Variants in ALS2 observed in about 807,000 individuals in gnomAD.
ALS2 encodes the protein alsin Rho guanine nucleotide exchange factor ALS2.
In ALS2, 117 loss-of-function variants were observed where a neutral mutation model predicts 203.4. That is an observed-to-expected ratio of 0.58 (90% CI 0.50 to 0.67). The LOEUF (loss-of-function observed/expected upper bound fraction) is 0.67, where lower values mean the gene tolerates loss of function less well. Among genes scored for constraint, ALS2 ranks in the 30% least tolerant of loss-of-function variants. The pLI, the probability that ALS2 is intolerant of heterozygous loss-of-function variation, is 0.00. For synonymous variants in ALS2, 718 were observed against 725.9 expected (o/e 0.99, Z 0.17); for missense variants, 1,715 against 1,989.4 (o/e 0.86, Z 2.62).
intron 1 of ALS2, among the ~76,000 whole-genome samples, chr2:201,770,750 C>T (rs534024352): frequency 1.3e-5 from 2 of 152,276 alleles, no homozygotes; most frequent in East Asian, 3.9e-4. Flanking sequence ...TGACGCTACA[C>T]TGCTGACTGA....
intron 13 of ALS2, among the ~76,000 whole-genome samples, chr2:201,731,685 G>A (rs189804190): frequency 7.9e-6 from 1 of 127,256 alleles, no homozygotes; most frequent in East Asian, 2.0e-4. Context: ...AAATTATAAC[G>A]TATAGTGATG....
In ALS2 at chr2:201,704,520, T is replaced by C. The variant is rs1251364347; in HGVS notation, c.4772A>G (p.His1591Arg). Residue 1591 changes from histidine (H) to arginine (R), a missense_variant, in exon 32 of 34, where the codon CAC becomes CGC. By Grantham distance (29) the His-to-Arg change is conservative. Transcript: ENST00000264276. The part of the protein sequence containing the change: ...EISQSVLASL[H>R]EDFLWSMDDL... Reference sequence around the variant, plus strand: ...ATCCATGGACCACAAGAAGTCTTCGTGGAGTGACGCCAGGACACTCTGAGA... The same window carrying C: ...ATCCATGGACCACAAGAAGTCTTCGCGGAGTGACGCCAGGACACTCTGAGA... 6.2e-7 allele frequency: 1 copy of C among 1,614,174 alleles called. No individual in the cohort carries two copies. Among genetic ancestry groups the C allele is most frequent in the South Asian group, 1.1e-5 (1 of 91,080 alleles).
intron 10 of ALS2, 132 bp from the exon 11 acceptor site, chr2:201,741,986 A>G: frequency 1.2e-6 from 1 of 814,782 alleles, no homozygotes; most frequent in Non-Finnish European, 2.0e-6. Context: ...AGGAACCCAA[A>G]TGATTACAGT....
intron 31 of ALS2, 102 bp from the exon 32 acceptor site, chr2:201,704,705 T>TAA (rs1689595404): frequency 7.6e-7 from 1 of 1,314,952 alleles, no homozygotes; most frequent in Non-Finnish European, 1.1e-6. Context: ...TCACATGCCT[T>TAA]AACCCGGACA....
Position 201,741,841 on chromosome 2 carries a change from A to G in ALS2, c.2184T>C (p.Thr728=), listed in dbSNP as rs1692287615. Residue 728 remains threonine, a synonymous_variant, in exon 11 of 34, where the codon ACT becomes ACC. Transcript: ENST00000264276. ...CCTGCAACAGCTGGACTGTAGTTGT[A>G]GTGCCCAAATTTTCTATAACAAAAT... is the stretch of plus-strand genomic sequence containing the variant. ...RPLLSLENLG[T]TTTVQLLQEV... 1 of 1,613,670 alleles carries G rather than the reference A, an allele frequency of 6.2e-7. No individual in the cohort carries two copies. The highest frequency in any genetic ancestry group is 1.1e-5 in the South Asian group (1 of 90,996).
In ALS2 at chr2:201,721,572, G is replaced by A. The variant is rs532864092; in HGVS notation, c.3702+1471C>T. Among the ~76,000 whole-genome samples the A allele has an allele frequency of 3.9e-5, 6 of 152,312 alleles. No individual in the cohort carries two copies. The East Asian group carries it at 7.7e-4, about 20-fold the overall frequency. On this transcript the variant is annotated intron_variant, in intron 23 of 33. Transcript: ENST00000264276. ...TGTTGGGAAATTTGGATAGCCATAT[G>A]CAAAAAGATTAGTTTGGACACATAA...
chr2:201,704,348 A>AT (rs1189760561), intron 32 of ALS2, 106 bp downstream of exon 32: 14 of 1,520,606 alleles, frequency 9.2e-6, no homozygotes, highest in African/African-American at 1.4e-5. Flanking sequence ...GGGTTAATCG[A>AT]TTTTTTTCTA....
At position 201,723,438 on chromosome 2, in the gene ALS2, C is replaced by T. The variant is rs1253926263; in HGVS notation, c.3516G>A (p.Gly1172=). The change falls in exon 22 of 34, where the codon GGG becomes GGA. Residue 1172 remains glycine, a synonymous_variant. Coordinates refer to ENST00000264276, the MANE Select transcript of ALS2 (RefSeq NM_020919.4). ...CTTGCCACATTCCCATATACTTTTC[C>T]CCCCTGCACAGAAATAAAAAGAAAA... is the stretch of plus-strand genomic sequence containing the variant. ...GYGVFDDITR[G]EKYMGMWQDD... The T allele has an allele frequency of 1.2e-6, 2 of 1,611,172 alleles. No individual in the cohort carries two copies. The highest frequency in any genetic ancestry group is 4.5e-5 in the East Asian group (2 of 44,842).
intron 11 of ALS2, 80 bp downstream of exon 11, chr2:201,741,594 G>A: frequency 7.2e-7 from 1 of 1,397,460 alleles, no homozygotes; most frequent in Non-Finnish European, 1.0e-6. Flanking sequence ...CCCTAATCTA[G>A]TCTCTTCTGA....
rs3219168 is a variant in ALS2 at position 201,711,098 on chromosome 2, G to A, written c.4015C>T (p.Leu1339=). The A allele has an allele frequency of 0.92, 1,472,688 of 1,597,622 alleles. 679,627 individuals are homozygous for A. Among genetic ancestry groups the A allele is most frequent in the East Asian group, 0.99 (44,263 of 44,716 alleles). The change falls in exon 26 of 34, where the codon CTG becomes TTG. Residue 1339 remains leucine, a synonymous_variant. Coordinates refer to ENST00000264276, the MANE Select transcript of ALS2 (RefSeq NM_020919.4). The part of the protein sequence containing the change: ...RRQHRDSPEI[L]SRSQTQTLES... ...AGTGTCTGAGTCTGTGAACGACTCA[G>A]TATTTCTGGACTATAAAAAGGGAAA...
chr2:201,765,444 T>C (rs1323656414), intron 3 of ALS2: 7 of 166,868 alleles, frequency 4.2e-5, no homozygotes, highest in Non-Finnish European at 1.0e-4. Context: ...GTATTGAATA[T>C]AGTTCACACT....
chr2:201,744,246 G>A lies in ALS2; in HGVS notation c.2170+12C>T, dbSNP rs1692482147. 6.2e-7 allele frequency: 1 copy of A among 1,612,074 alleles called. No individual in the cohort carries two copies. Among genetic ancestry groups the A allele is most frequent in the Admixed American group, 1.7e-5 (1 of 60,016 alleles). On this transcript the variant is annotated intron_variant, in intron 10 of 33. Coordinates refer to ENST00000264276, the MANE Select transcript of ALS2 (RefSeq NM_020919.4). Reference sequence around the variant, plus strand: ...ATGGTTTAATGGTGGGAGAGAGGGGGTTGCAACTTACCTAAACTGAGAAGA... The same window carrying A: ...ATGGTTTAATGGTGGGAGAGAGGGGATTGCAACTTACCTAAACTGAGAAGA...
rs1387141361 is a variant in ALS2 at position 201,768,954 on chromosome 2, T to C, written c.-60-9A>G. 3.0e-5 allele frequency: 43 copies of C among 1,450,054 alleles called. No individual in the cohort carries two copies. The highest frequency in any genetic ancestry group is 3.9e-5 in the Non-Finnish European group (41 of 1,043,934). 89.8% of individuals were successfully genotyped at this position (1,450,054 alleles called of 1,614,324 possible). On this transcript the variant is annotated splice_polypyrimidine_tract_variant and intron_variant, in intron 1 of 33. Coordinates refer to ENST00000264276, the MANE Select transcript of ALS2 (RefSeq NM_020919.4). ...AGAAAGTCTATCAAGACCTAAACAGTACAAGTAAGGAAAAGAGCAGTAAAA... is the reference window on the plus strand; with the variant it reads ...AGAAAGTCTATCAAGACCTAAACAGCACAAGTAAGGAAAAGAGCAGTAAAA...
chr2:201,741,752 C>A lies in ALS2; in HGVS notation c.2273G>T (p.Ser758Ile), dbSNP rs766381690. The change falls in exon 11 of 34, where the codon AGC (serine) becomes ATC (isoleucine). Residue 758 changes from serine to isoleucine, a missense_variant. Physicochemically the swap from Ser to Ile is moderately radical, Grantham distance 142. Around this residue, in one of 3 missense-constraint regions of ALS2, gnomAD observed 1,227 missense variants for 1,413.5 expected, o/e 0.87. Coordinates refer to ENST00000264276, the MANE Select transcript of ALS2 (RefSeq NM_020919.4). ...LIGQHGASLS[S>I]FLHGVKEARS... is the part of the protein sequence containing the mutation. ...GGCTTCCTTTACCCCATGAAGGAAGCTGCTCAATGAGGCTCCATGCTGACC... is the reference window on the plus strand; with the variant it reads ...GGCTTCCTTTACCCCATGAAGGAAGATGCTCAATGAGGCTCCATGCTGACC... 1.2e-6 allele frequency: 2 copies of A among 1,614,146 alleles called. No individual in the cohort carries two copies.
chr2:201,703,169 AG>A (rs202075262), intron 33 of ALS2, among the ~76,000 whole-genome samples: 1,851 of 152,302 alleles, frequency 0.012, 39 homozygotes, highest in African/African-American at 0.042. Context: ...TAGTTAACCT[AG>A]GCCAGAAACC....
intron 5 of ALS2, among the ~76,000 whole-genome samples, chr2:201,755,849 G>A (rs1693351929): frequency 1.3e-5 from 2 of 152,126 alleles, no homozygotes; most frequent in African/African-American, 4.8e-5. Context: ...GCCAGGATAA[G>A]ATTTGAAGAA....
At chr2:201,779,627 T>C (rs1324087283) in intron 1 of ALS2, among the ~76,000 whole-genome samples, 1 of 152,194 alleles carries the variant, frequency 6.6e-6, no homozygotes. Flanking sequence ...ATATTTACCA[T>C]AAAACAGGCA....
At position 201,715,909 on chromosome 2, in the gene ALS2, T is replaced by G. The variant is rs1690360910; in HGVS notation, c.3837-70A>C. ...AAAATTGTTCCAAAGAACAGAAACT[T>G]TCTAACATACAACTGAGAATGCTTT... On this transcript the variant is annotated intron_variant, in intron 24 of 33. Coordinates refer to ENST00000264276, the MANE Select transcript of ALS2 (RefSeq NM_020919.4). 1.3e-5 allele frequency: 20 copies of G among 1,567,930 alleles called. No homozygotes were observed. The South Asian group carries it at 1.9e-4, about 15-fold the overall frequency.
Position 201,761,685 on chromosome 2 carries a change from A to G in ALS2, c.309T>C (p.Ser103=). ...VITVATGSFH[S]GAVTDNGVAY... ...CGACACCATTGTCTGTCACTGCTCC[A>G]CTATGGAAGCTTCCTGTTGCCACAG... Residue 103 remains serine (S), a synonymous_variant, in exon 4 of 34, where the codon AGT becomes AGC. Coordinates refer to ENST00000264276, the MANE Select transcript of ALS2 (RefSeq NM_020919.4). 6.2e-6 allele frequency: 10 copies of G among 1,614,182 alleles called. No individual in the cohort carries two copies. The highest frequency in any genetic ancestry group is 8.5e-6 in the Non-Finnish European group (10 of 1,180,032).
Sources: gnomAD v4.1 joint callset for allele counts (sites outside exome capture counted in the v4.1 genomes callset) on GRCh38, gnomAD v4.1.1 for gene constraint, gnomAD v4.1.1 regional missense constraint, MANE v1.5 for transcripts, NCBI Gene and HGNC (gene_info 2026-07-23, HGNC 2026-07-21) for gene names.